Variants in CDC42BPA observed in about 807,000 individuals in gnomAD.
CDC42BPA encodes the protein CDC42 binding protein kinase alpha, also known as serine/threonine-protein kinase MRCK alpha.
CDC42BPA carries 80 observed loss-of-function variants against 223.5 expected under a neutral mutation model. The ratio of observed to expected loss-of-function variants is 0.36; its 90% CI spans 0.30 to 0.43. The LOEUF is 0.43. Ranked by LOEUF, CDC42BPA falls within the 20% of genes least tolerant of loss-of-function variation. CDC42BPA has a pLI of 1.00. For missense variants in CDC42BPA, 1,743 were observed against 2,099.9 expected, an observed-to-expected ratio of 0.83 and a Z score of 3.32; for synonymous variants, 694 against 718.6, an observed-to-expected ratio of 0.97 and a Z score of 0.55.
rs570846196 is a variant in CDC42BPA, at chr1:227,223,385, G to A, written c.271-10166C>T. ...GGTCCAAAGAGCAGAGAAGCTGTAT[G>A]TCATGTTAATAAACTAGAACCTTAA... On this transcript the variant is annotated intron_variant, in intron 2 of 36. Transcript: ENST00000366766. 2.2e-4 allele frequency among the ~76,000 whole-genome samples: 33 copies of A among 152,320 alleles called. No individual in the cohort carries two copies. In the South Asian group the frequency reaches 6.8e-3, roughly 32 times the overall value.
intron 2 of CDC42BPA, 83 bp from the exon 3 acceptor site, chr1:227,213,302 A>C: frequency 1.6e-6 from 1 of 644,216 alleles, no homozygotes; most frequent in Non-Finnish European, 2.7e-6. Flanking sequence ...TCCTCTGTAA[A>C]AAAATAAATA....
intron 5 of CDC42BPA, among the ~76,000 whole-genome samples, chr1:227,174,620 A>C (rs779776814): frequency 1.4e-4 from 21 of 152,186 alleles, no homozygotes; most frequent in Non-Finnish European, 2.6e-4. Flanking sequence ...AAATATTATC[A>C]ACATTAAAGA....
At chr1:227,255,516 G>C (rs556934499) in intron 1 of CDC42BPA, among the ~76,000 whole-genome samples, 3 of 152,142 alleles carry the variant, frequency 2.0e-5, no homozygotes, top group Admixed American at 1.3e-4. Flanking sequence ...AGCTGAACGT[G>C]GTGGCATATG....
chr1:227,180,184 T>C (rs1426460342), intron 5 of CDC42BPA, among the ~76,000 whole-genome samples: 1 of 152,098 alleles, frequency 6.6e-6, no homozygotes, highest in Non-Finnish European at 1.5e-5. Flanking sequence ...CCAGCCTGGG[T>C]GACAGAGTGA....
At chr1:227,202,931 A>G (rs1186790348) in intron 3 of CDC42BPA, among the ~76,000 whole-genome samples, 1 of 152,174 alleles carries the variant, frequency 6.6e-6, no homozygotes, top group African/African-American at 2.4e-5. Flanking sequence ...CTGTCTCTTC[A>G]AAAACATTAA....
chr1:227,078,881 T>C (rs1680041103), intron 17 of CDC42BPA, among the ~76,000 whole-genome samples: 1 of 152,146 alleles, frequency 6.6e-6, no homozygotes, highest in Non-Finnish European at 1.5e-5. Context: ...CTGGAACTTT[T>C]TGAGTACTGA....
At chr1:227,196,433 G>A (rs1670740981) in intron 4 of CDC42BPA, among the ~76,000 whole-genome samples, 2 of 140,128 alleles carry the variant, frequency 1.4e-5, no homozygotes, top group South Asian at 4.5e-4. Flanking sequence ...TCCGCCTCCA[G>A]GGTTCAGGCC....
chr1:227,129,126 A>C lies in CDC42BPA; in HGVS notation c.1496T>G (p.Leu499Arg). ...IKNLKEEIEK[L>R]RKQVTESSHL... ...ATATTTACCTGTTACTTGTTTTCTT[A>C]GTTTTTCAATTTCTTCTTTTAAGTT... is the stretch of plus-strand genomic sequence containing the variant. The change falls in exon 11 of 37, where the codon CTA (leucine) becomes CGA (arginine). Residue 499 changes from leucine to arginine, a missense_variant. Around this residue, in one of 6 missense-constraint regions of CDC42BPA, gnomAD observed 464 missense variants for 488.0 expected, o/e 0.95. Transcript: ENST00000366766. 6.9e-7 allele frequency: 1 copy of C among 1,449,822 alleles called. No individual in the cohort carries two copies. Among genetic ancestry groups the C allele is most frequent in the East Asian group, 2.3e-5 (1 of 44,014 alleles). The allele number at this position is 1,449,822 out of a possible 1,614,324, so 89.8% of individuals were successfully genotyped here.
intron 21 of CDC42BPA, among the ~76,000 whole-genome samples, chr1:227,054,062 T>G (rs1260412429): frequency 1.3e-5 from 2 of 152,322 alleles, no homozygotes; most frequent in East Asian, 1.9e-4. Flanking sequence ...TTAAGGTATC[T>G]AAGTAGGGGA....
chr1:227,299,922 T>C (rs1691325098), intron 1 of CDC42BPA, among the ~76,000 whole-genome samples: 1 of 152,196 alleles, frequency 6.6e-6, no homozygotes, highest in African/African-American at 2.4e-5. Flanking sequence ...AAAGACGTCA[T>C]TCTCGTCCTC....
intron 11 of CDC42BPA, among the ~76,000 whole-genome samples, chr1:227,120,387 T>C (rs1558540734): frequency 1.3e-5 from 2 of 152,202 alleles, no homozygotes; most frequent in African/African-American, 4.8e-5. Flanking sequence ...CCACTATTTA[T>C]CTGAAGAATA....
intron 2 of CDC42BPA, among the ~76,000 whole-genome samples, chr1:227,238,644 T>C (rs1386752828): frequency 6.6e-6 from 1 of 152,038 alleles, no homozygotes; most frequent in East Asian, 1.9e-4. Context: ...TATCAGAATA[T>C]GTAAAAAATA....
chr1:227,259,133 G>T (rs911879762), intron 1 of CDC42BPA, among the ~76,000 whole-genome samples: 1 of 150,840 alleles, frequency 6.6e-6, no homozygotes, highest in Non-Finnish European at 1.5e-5. Flanking sequence ...CTGCCACGCC[G>T]CCTCCCTCCC....
intron 21 of CDC42BPA, chr1:227,068,650 T>C (rs1217099787): frequency 7.5e-6 from 9 of 1,193,730 alleles, no homozygotes; most frequent in Non-Finnish European, 9.7e-6. Flanking sequence ...AATCAAAGAC[T>C]TACGTCATCC....
chr1:227,177,127 G>GAA (rs141253636), intron 5 of CDC42BPA, among the ~76,000 whole-genome samples: 198 of 56,482 alleles, frequency 3.5e-3, no homozygotes, highest in South Asian at 0.01. Flanking sequence ...AAAGATGTAA[G>GAA]AAAAAAAAAA....
chr1:227,280,132 TATTAGA>T (rs1275803453), intron 1 of CDC42BPA, among the ~76,000 whole-genome samples: 3 of 152,224 alleles, frequency 2.0e-5, no homozygotes, highest in African/African-American at 7.2e-5. Flanking sequence ...ACTTATTTTC[TATTAGA>T]ATAAGTCTGA....
intron 3 of CDC42BPA, among the ~76,000 whole-genome samples, chr1:227,202,310 A>G (rs1024392758): frequency 1.3e-5 from 2 of 152,188 alleles, no homozygotes; most frequent in African/African-American, 2.4e-5. Context: ...GGGAAAACAG[A>G]AAGCACTTTA....
At chr1:227,205,894 C>G (rs1184407005) in intron 3 of CDC42BPA, among the ~76,000 whole-genome samples, 4 of 151,942 alleles carry the variant, frequency 2.6e-5, no homozygotes, top group African/African-American at 9.7e-5. Flanking sequence ...AAAGAAAATA[C>G]AAAAATTAGC....
At chr1:227,109,934 C>T (rs897881424) in intron 14 of CDC42BPA, among the ~76,000 whole-genome samples, 6 of 151,900 alleles carry the variant, frequency 3.9e-5, no homozygotes, top group African/African-American at 1.5e-4. Context: ...GATATAAATG[C>T]TATATAAGTA....
Sources: allele counts gnomAD v4.1 joint callset (sites outside exome capture counted in the v4.1 genomes callset), GRCh38; gene constraint gnomAD v4.1.1; regional missense constraint gnomAD v4.1.1; transcripts MANE v1.5; gene names NCBI Gene and HGNC (gene_info 2026-07-23, HGNC 2026-07-21).